CADM2: variants seen among roughly 807,000 people sequenced by gnomAD.
CADM2 encodes the protein cell adhesion molecule 2.
A neutral mutation model predicts 49.8 loss-of-function variants in CADM2; 12 were observed. That is an observed-to-expected ratio of 0.24 (90% CI 0.15 to 0.39). The LOEUF (loss-of-function observed/expected upper bound fraction) is 0.39. CADM2 is among the 10% of genes least tolerant of loss of function. The pLI, the probability that CADM2 is intolerant of heterozygous loss-of-function variation, is 1.00. For synonymous variants in CADM2, 214 were observed against 175.4 expected (o/e 1.22, Z -1.74); for missense variants, 378 against 492.3 (o/e 0.77, Z 2.20).
chr3:85,519,180 G>A (rs188880577), intron 1 of CADM2, among the ~76,000 whole-genome samples: 2 of 152,018 alleles, frequency 1.3e-5, no homozygotes, highest in Admixed American at 6.6e-5. Context: ...CCACATTCTC[G>A]CTTGTTTGGA....
intron 6 of CADM2, among the ~76,000 whole-genome samples, chr3:85,931,614 T>G (rs1720604309): frequency 6.6e-6 from 1 of 152,180 alleles, no homozygotes; most frequent in African/African-American, 2.4e-5. Flanking sequence ...TGATCAGATT[T>G]GAAGGTAATG....
intron 1 of CADM2, among the ~76,000 whole-genome samples, chr3:85,454,406 A>G (rs564477601): frequency 6.6e-6 from 1 of 152,234 alleles, no homozygotes; most frequent in African/African-American, 2.4e-5. Context: ...CCAAGCAAGC[A>G]GACCACAAAC....
intron 3 of CADM2, among the ~76,000 whole-genome samples, chr3:85,847,349 A>G (rs552117901): frequency 3.9e-5 from 6 of 152,342 alleles, no homozygotes; most frequent in African/African-American, 1.4e-4. Flanking sequence ...CATTTTCACC[A>G]TAGTGATCTA....
Position 85,667,620 on chromosome 3 carries a change from G to A in CADM2, c.62-58902G>A, listed in dbSNP as rs770925618. Among the ~76,000 whole-genome samples the A allele has an allele frequency of 4.4e-4, 67 of 151,974 alleles. 1 individual carries two copies. Among genetic ancestry groups the A allele is most frequent in the Non-Finnish European group, 1.5e-4 (10 of 67,956 alleles). ...AGGGGGATTTCAGCCAAATCCAGAT[G>A]TCTCTCTGAATTTTCTCTCAGTGTA... On this transcript the variant is annotated intron_variant, in intron 1 of 9. Transcript: ENST00000383699.
intron 1 of CADM2, among the ~76,000 whole-genome samples, chr3:84,971,010 C>T (rs1376502657): frequency 2.6e-5 from 4 of 152,020 alleles, no homozygotes; most frequent in African/African-American, 9.7e-5. Context: ...TTAAATATGA[C>T]ATATTTTAAT....
chr3:85,699,076 C>T (rs2066662598), intron 1 of CADM2, among the ~76,000 whole-genome samples: 1 of 152,162 alleles, frequency 6.6e-6, no homozygotes, highest in Non-Finnish European at 1.5e-5. Flanking sequence ...TCATGTAAAT[C>T]CAAAGCCTGG....
intron 3 of CADM2, among the ~76,000 whole-genome samples, chr3:85,809,696 C>G (rs190224012): frequency 4.4e-4 from 55 of 123,730 alleles, no homozygotes; most frequent in African/African-American, 7.8e-4. Context: ...TCCTTCCTTC[C>G]TTCCTTCCTT....
At chr3:85,104,172 T>C (rs1575871678) in intron 1 of CADM2, among the ~76,000 whole-genome samples, 1 of 151,586 alleles carries the variant, frequency 6.6e-6, no homozygotes, top group South Asian at 2.1e-4. Context: ...AGGGTTTTTA[T>C]GGTTTTAGGT....
At chr3:85,511,260 C>T (rs761029118) in intron 1 of CADM2, among the ~76,000 whole-genome samples, 4 of 151,990 alleles carry the variant, frequency 2.6e-5, no homozygotes, top group Non-Finnish European at 5.9e-5. Flanking sequence ...TAAAACAGAA[C>T]AATTTATTTA....
At chr3:85,526,025 A>G (rs1006617825) in intron 1 of CADM2, among the ~76,000 whole-genome samples, 2 of 152,142 alleles carry the variant, frequency 1.3e-5, no homozygotes, top group Non-Finnish European at 2.9e-5. Context: ...ATTTTAAAAA[A>G]TCAATTATCT....
rs1387471095 is a variant in CADM2 at position 85,478,953 on chromosome 3, A to G, written c.62-247569A>G. ...TTTTGTTTTTATTTTATTTTATTTTATTTTATCTAGAGACAGGGTCTCTCT... is the reference window on the plus strand; with the variant it reads ...TTTTGTTTTTATTTTATTTTATTTTGTTTTATCTAGAGACAGGGTCTCTCT... On this transcript the variant is annotated intron_variant, in intron 1 of 9. Coordinates refer to ENST00000383699, the MANE Select transcript of CADM2 (RefSeq NM_001167675.2). Among the ~76,000 whole-genome samples the G allele has an allele frequency of 2.2e-4, 34 of 151,548 alleles. 1 individual carries two copies. The highest frequency in any genetic ancestry group is 2.2e-3 in the Admixed American group (34 of 15,158).
intron 1 of CADM2, among the ~76,000 whole-genome samples, chr3:85,555,454 A>G (rs942342993): frequency 6.6e-6 from 1 of 152,164 alleles, no homozygotes; most frequent in Non-Finnish European, 1.5e-5. Flanking sequence ...TGGGTATATA[A>G]TAGTATTAAT....
chr3:85,680,821 C>A (rs2107656352), intron 1 of CADM2, among the ~76,000 whole-genome samples: 1 of 152,238 alleles, frequency 6.6e-6, no homozygotes, highest in East Asian at 1.9e-4. Flanking sequence ...AAAAATGGTA[C>A]AATCAAACTT....
intron 1 of CADM2, among the ~76,000 whole-genome samples, chr3:85,344,946 C>T (rs1428426145): frequency 6.6e-6 from 1 of 152,114 alleles, no homozygotes; most frequent in Non-Finnish European, 1.5e-5. Context: ...TCTTCAGGAA[C>T]ACTCTCTTCC....
intron 2 of CADM2, among the ~76,000 whole-genome samples, chr3:85,779,332 G>C (rs900701237): frequency 1.3e-5 from 2 of 151,896 alleles, no homozygotes; most frequent in Admixed American, 1.3e-4. Context: ...GCAGTTTTGC[G>C]CTGAGCATCT....
chr3:85,135,451 A>G (rs1190144346), intron 1 of CADM2, among the ~76,000 whole-genome samples: 1 of 152,096 alleles, frequency 6.6e-6, no homozygotes, highest in African/African-American at 2.4e-5. Flanking sequence ...AAATGTAGTC[A>G]TGTTAAAATA....
rs116810577 is a variant in CADM2 at position 85,273,910 on chromosome 3, T to A, written c.61+314242T>A. On this transcript the variant is annotated intron_variant, in intron 1 of 9. Transcript: ENST00000383699. ...CAGTCTGTGCTCTTGGACATTCTAA[T>A]GTTTACAGGAGAGGAAGATAAGATT... Among the ~76,000 whole-genome samples the A allele has an allele frequency of 2.8e-3, 420 of 151,492 alleles. 2 individuals are homozygous for A. The highest frequency in any genetic ancestry group is 9.7e-3 in the African/African-American group (401 of 41,432).
At chr3:85,437,699 G>A (rs2036996075) in intron 1 of CADM2, among the ~76,000 whole-genome samples, 1 of 151,646 alleles carries the variant, frequency 6.6e-6, no homozygotes, top group African/African-American at 2.4e-5. Context: ...TAAATAAATA[G>A]GGCTGTGGAA....
intron 1 of CADM2, among the ~76,000 whole-genome samples, chr3:85,553,227 A>G (rs1229308235): frequency 6.6e-6 from 1 of 152,174 alleles, no homozygotes; most frequent in African/African-American, 2.4e-5. Context: ...GTTATTAATG[A>G]TGATAATGAT....
Sources: gnomAD v4.1 joint callset for allele counts (sites outside exome capture counted in the v4.1 genomes callset) on GRCh38, gnomAD v4.1.1 for gene constraint, MANE v1.5 for transcripts, NCBI Gene and HGNC (gene_info 2026-07-23, HGNC 2026-07-21) for gene names.